PDE4A: variants seen among roughly 807,000 people sequenced by gnomAD.
PDE4A encodes the protein phosphodiesterase 4A.
A neutral mutation model predicts 73.9 loss-of-function variants in PDE4A; 21 were observed. That is an observed-to-expected ratio of 0.28 (90% CI 0.20 to 0.41). The LOEUF (loss-of-function observed/expected upper bound fraction) is 0.41, where lower values mean the gene tolerates loss of function less well. Among genes scored for constraint, PDE4A ranks in the 10% least tolerant of loss-of-function variants. PDE4A has a pLI of 1.00. For missense variants in PDE4A, 958 were observed against 1,211.4 expected, an observed-to-expected ratio of 0.79 and a Z score of 3.10; for synonymous variants, 463 against 505.4, an observed-to-expected ratio of 0.92 and a Z score of 1.13.
intron 1 of PDE4A, chr19:10,428,701 A>G (rs1488194681): frequency 1.2e-6 from 1 of 852,250 alleles, no homozygotes; most frequent in African/African-American, 1.8e-5. Context: ...GCTCAATGAA[A>G]TGAAGTGACT....
intron 14 of PDE4A, among the ~76,000 whole-genome samples, chr19:10,464,583 A>G (rs2043332015): frequency 6.6e-6 from 1 of 151,724 alleles, no homozygotes; most frequent in African/African-American, 2.4e-5. Flanking sequence ...CACCTAGCTA[A>G]TTTTTTAAAA....
In PDE4A at chr19:10,421,084, G is replaced by C; in HGVS notation, c.320G>C (p.Arg107Pro). 1 of 1,370,984 alleles carries C rather than the reference G, an allele frequency of 7.3e-7. No individual in the cohort carries two copies. Among genetic ancestry groups the C allele is most frequent in the Non-Finnish European group, 9.3e-7 (1 of 1,071,022 alleles). The allele number at this position is 1,370,984 out of a possible 1,614,324, so 84.9% of individuals were successfully genotyped here. A position where few individuals can be genotyped will look rare whatever the true frequency, so the allele number is the denominator to read the frequency against. The change falls in exon 1 of 15, where the codon CGC becomes CCC. Residue 107 changes from arginine to proline, a missense_variant and splice_region_variant. By Grantham distance (103) the Arg-to-Pro change is moderately radical. Around this residue, in one of 3 missense-constraint regions of PDE4A, gnomAD observed 570 missense variants for 827.7 expected, o/e 0.69. Transcript: ENST00000380702. ...GGCGCGGGCGGAGGCAGCAGCAGGC[G>C]GTAAGACTCCCCGCGGCGGATGCGC... is the stretch of plus-strand genomic sequence containing the variant. ...SGGAGGGSSR[R>P]FEAENGPTPS...
chr19:10,447,951 G>A (rs958689571), intron 2 of PDE4A, among the ~76,000 whole-genome samples: 4 of 151,818 alleles, frequency 2.6e-5, no homozygotes, highest in Admixed American at 6.6e-5. Flanking sequence ...ATCAAGCCCC[G>A]CCCTTGCAAC....
At position 10,461,508 on chromosome 19, in the gene PDE4A, C is replaced by T; in HGVS notation, c.1466-18C>T. 1 of 1,612,844 alleles carries T rather than the reference C, an allele frequency of 6.2e-7. No homozygotes were observed. Among genetic ancestry groups the T allele is most frequent in the Non-Finnish European group, 8.5e-7 (1 of 1,179,668 alleles). On this transcript the variant is annotated intron_variant, in intron 11 of 14. Coordinates refer to ENST00000380702, the MANE Select transcript of PDE4A (RefSeq NM_001111307.2). ...CTGCACACGTGGGCCCTCCCCTGAC[C>T]TCCGGGCTGGGCTGCAGATTCGGAG...
At chr19:10,425,984 CA>C (rs1168197109) in intron 1 of PDE4A, among the ~76,000 whole-genome samples, 93 of 48,372 alleles carry the variant, frequency 1.9e-3, no homozygotes, top group South Asian at 0.013. Context: ...GAGACCCTGT[CA>C]AAAAAAAAAA....
upstream of PDE4A, chr19:10,417,792 C>T (rs1242271937): frequency 8.3e-6 from 13 of 1,558,446 alleles, no homozygotes; most frequent in Non-Finnish European, 1.1e-5. Context: ...TGGGGTCCCT[C>T]TGCCGCCACG....
At chr19:10,455,286 A>G (rs1161737077) in intron 7 of PDE4A, among the ~76,000 whole-genome samples, 1 of 152,048 alleles carries the variant, frequency 6.6e-6, no homozygotes, top group Non-Finnish European at 1.5e-5. Flanking sequence ...AACATGGTGA[A>G]ACCCCATCTC....
Position 10,453,139 on chromosome 19 carries a change from C to T in PDE4A, c.784-1690C>T. ...CCCAGCCCTGCTGGGCCGGCCCAGG[C>T]CCCTCCGCGGCTCCCCCTTCCACTA... On this transcript the variant is annotated intron_variant, in intron 6 of 14. Coordinates refer to ENST00000380702, the MANE Select transcript of PDE4A (RefSeq NM_001111307.2). The surrounding 1 kb of genome is among the most constrained non-coding windows in gnomAD (Gnocchi z 4.6). 1 of 1,424,230 alleles carries T rather than the reference C, an allele frequency of 7.0e-7. No homozygotes were observed. The highest frequency in any genetic ancestry group is 9.2e-7 in the Non-Finnish European group (1 of 1,089,414). The allele number at this position is 1,424,230 out of a possible 1,614,324, so 88.2% of individuals were successfully genotyped here. A position where few individuals can be genotyped will look rare whatever the true frequency, so the allele number is the denominator to read the frequency against.
In PDE4A at chr19:10,431,458, T is replaced by C. The variant is rs555370573; in HGVS notation, c.320+10374T>C. Among the ~76,000 whole-genome samples, 15 of 152,248 alleles carry C rather than the reference T, an allele frequency of 9.9e-5. No homozygotes were observed. The South Asian group carries it at 3.1e-3, about 32-fold the overall frequency. ...ATGCCTTCTGTGGGTGGCCTTGCGG[T>C]GAGGCTTGGTGTCACTCCTAGTACC... On this transcript the variant is annotated intron_variant, in intron 1 of 14. Transcript: ENST00000380702.
At chr19:10,420,379 C>G (rs1024600627), upstream of PDE4A, 1 of 976,542 alleles carries the variant, frequency 1.0e-6, no homozygotes, top group Non-Finnish European at 1.2e-6. The surrounding 1 kb of genome is among the most constrained non-coding windows in gnomAD (Gnocchi z 6.0). Flanking sequence ...GCGGGAAGGG[C>G]CCCCCTCCTT....
chr19:10,418,007 T>C, upstream of PDE4A: 1 of 944,592 alleles, frequency 1.1e-6, no homozygotes, highest in Non-Finnish European at 1.6e-6. Context: ...TGGCGGGCTG[T>C]GACACCCCTA....
chr19:10,443,389 A>G lies in PDE4A; in HGVS notation c.321-2829A>G, dbSNP rs2042963311. ...GCGAGACCCCATCTCTACAAAAAAT[A>G]CAAAATTTATCTGGGGGTGGTGGCA... is the stretch of plus-strand genomic sequence containing the variant. On this transcript the variant is annotated intron_variant, in intron 1 of 14. Transcript: ENST00000380702. Among the ~76,000 whole-genome samples, 7 of 149,380 alleles carry G rather than the reference A, an allele frequency of 4.7e-5. No individual in the cohort carries two copies. The South Asian group carries it at 1.3e-3, about 27-fold the overall frequency.
chr19:10,431,034 C>T (rs2042781998), intron 1 of PDE4A: 2 of 1,577,728 alleles, frequency 1.3e-6, no homozygotes, highest in Non-Finnish European at 1.7e-6. Context: ...CAGACGCCTT[C>T]GGCTTCTCCG....
At chr19:10,454,751 G>A (rs548608312) in intron 6 of PDE4A, 78 bp from the exon 7 acceptor site, 133 of 1,602,912 alleles carry the variant, frequency 8.3e-5, no homozygotes, top group Middle Eastern at 1.7e-4. Context: ...GTCTTCAGGC[G>A]TTCTTGGGAA....
chr19:10,439,694 C>T (rs559953940), intron 1 of PDE4A, among the ~76,000 whole-genome samples: 41 of 152,152 alleles, frequency 2.7e-4, no homozygotes, highest in African/African-American at 8.9e-4. Context: ...GCCCAGGAGG[C>T]GGGTCAGAGG....
At chr19:10,463,470 C>T (rs891301790) in intron 13 of PDE4A, among the ~76,000 whole-genome samples, 81 of 139,858 alleles carry the variant, frequency 5.8e-4, no homozygotes, top group African/African-American at 2.0e-3. Flanking sequence ...GGCTTGATCT[C>T]GGCTCACGGC....
intron 1 of PDE4A, among the ~76,000 whole-genome samples, chr19:10,426,267 C>T (rs1363948345): frequency 1.3e-5 from 2 of 152,182 alleles, no homozygotes; most frequent in African/African-American, 2.4e-5. Flanking sequence ...CTAGCAGATT[C>T]GTTCATTCCA....
chr19:10,466,933 C>T lies in PDE4A; in HGVS notation c.1973C>T (p.Ala658Val), dbSNP rs751655561. 8.7e-6 allele frequency: 14 copies of T among 1,614,038 alleles called. No individual in the cohort carries two copies. The highest frequency in any genetic ancestry group is 2.2e-5 in the East Asian group (1 of 44,888). ...YIVHPLWETW[A>V]DLVHPDAQEI... ...GTGCACCCATTGTGGGAGACCTGGG[C>T]GGACCTTGTCCACCCAGATGCCCAG... is the stretch of plus-strand genomic sequence containing the variant. The change falls in exon 15 of 15, where the codon GCG (alanine) becomes GTG (valine). Residue 658 changes from alanine to valine, a missense_variant. Physicochemically the swap from Ala to Val is moderately conservative, Grantham distance 64. Around this residue, in one of 3 missense-constraint regions of PDE4A, gnomAD observed 570 missense variants for 827.7 expected, o/e 0.69. Coordinates refer to ENST00000380702, the MANE Select transcript of PDE4A (RefSeq NM_001111307.2).
chr19:10,463,237 C>T (rs1445217996), intron 13 of PDE4A, among the ~76,000 whole-genome samples: 1 of 149,848 alleles, frequency 6.7e-6, no homozygotes, highest in Non-Finnish European at 1.5e-5. Context: ...TTACAGGTGC[C>T]TACCACCAGA....
Sources: allele counts gnomAD v4.1 joint callset (sites outside exome capture counted in the v4.1 genomes callset), GRCh38; gene constraint gnomAD v4.1.1; regional missense constraint gnomAD v4.1.1; non-coding constraint Gnocchi (gnomAD v3.1); transcripts MANE v1.5; gene names NCBI Gene and HGNC (gene_info 2026-07-23, HGNC 2026-07-21).